The following COL11A1 variants were observed in gnomAD, a reference collection of about 807,000 sequenced individuals.
The protein encoded by COL11A1 is collagen alpha-1(XI) chain.
Under a neutral mutation model 265.2 loss-of-function variants are expected in COL11A1, and 74 were observed. That is an observed-to-expected ratio of 0.28 (90% CI 0.23 to 0.34). The LOEUF (loss-of-function observed/expected upper bound fraction) is 0.34, where lower values mean the gene tolerates loss of function less well. COL11A1 is among the 10% of genes least tolerant of loss of function. COL11A1 has a pLI of 1.00. For synonymous variants in COL11A1, 816 were observed against 727.6 expected (o/e 1.12, Z -1.96); for missense variants, 2,165 against 2,263.6 (o/e 0.96, Z 0.88).
intron 4 of COL11A1, among the ~76,000 whole-genome samples, chr1:103,059,823 G>T (rs1391824660): frequency 6.6e-6 from 1 of 151,820 alleles, no homozygotes. Flanking sequence ...AAAACTAAAA[G>T]CAAAGAGAAA....
chr1:102,974,712 G>T, intron 36 of COL11A1, 118 bp downstream of exon 36: 1 of 763,690 alleles, frequency 1.3e-6, no homozygotes, highest in Non-Finnish European at 2.2e-6. Flanking sequence ...GACATCAATT[G>T]TAATTTTACA....
In COL11A1 at chr1:103,093,404, G is replaced by GT. The variant is rs1267610526; in HGVS notation, c.107-10433dup. Among the ~76,000 whole-genome samples, 5 of 151,960 alleles carry GT rather than the reference G, an allele frequency of 3.3e-5. No homozygotes were observed. The South Asian group carries it at 1.0e-3, about 31-fold the overall frequency. On this transcript the variant is annotated intron_variant, in intron 1 of 66. Coordinates refer to ENST00000370096, the MANE Select transcript of COL11A1 (RefSeq NM_001854.4). ...GGAGAAAGAATAGCTGCCTGAACAG[G>GT]TTTTTTCATGCATATGAAACAGCCC... is the stretch of plus-strand genomic sequence containing the variant.
chr1:102,929,653 A>T (rs1028963042), intron 46 of COL11A1, among the ~76,000 whole-genome samples: 1 of 151,990 alleles, frequency 6.6e-6, no homozygotes, highest in African/African-American at 2.4e-5. Context: ...CTTGATGGGG[A>T]TGGCATTGAA....
intron 50 of COL11A1, among the ~76,000 whole-genome samples, chr1:102,915,298 C>T (rs1184377479): frequency 6.6e-6 from 1 of 151,352 alleles, no homozygotes; most frequent in African/African-American, 2.4e-5. Context: ...AATATAGTCA[C>T]AATACAATTG....
At chr1:102,881,111 C>T (rs1650187195) in intron 65 of COL11A1, among the ~76,000 whole-genome samples, 2 of 151,972 alleles carry the variant, frequency 1.3e-5, no homozygotes, top group South Asian at 4.1e-4. Flanking sequence ...CTGGAAAACA[C>T]TTTAAATTCA....
chr1:103,074,843 C>A, intron 3 of COL11A1, 63 bp from the exon 4 acceptor site: 2 of 1,554,914 alleles, frequency 1.3e-6, no homozygotes, highest in Admixed American at 3.4e-5. Context: ...AAGCAGTATT[C>A]ACATAAAAAT....
chr1:102,957,166 G>A (rs1660457960), intron 41 of COL11A1, among the ~76,000 whole-genome samples: 1 of 151,718 alleles, frequency 6.6e-6, no homozygotes, highest in Non-Finnish European at 1.5e-5. Context: ...TCATAATAAC[G>A]ACCTATGTTT....
chr1:102,907,513 G>A (rs2100988452), intron 54 of COL11A1, among the ~76,000 whole-genome samples: 1 of 151,958 alleles, frequency 6.6e-6, no homozygotes, highest in Admixed American at 6.6e-5. Flanking sequence ...TTTTTCCACA[G>A]AAGTAACTAC....
intron 54 of COL11A1, among the ~76,000 whole-genome samples, chr1:102,900,520 C>G (rs1442525978): frequency 4.6e-5 from 7 of 151,852 alleles, no homozygotes; most frequent in African/African-American, 9.7e-5. Context: ...ACAGTTTTTC[C>G]TTAAACTAGT....
chr1:103,040,032 A>C (rs926579100), intron 4 of COL11A1, among the ~76,000 whole-genome samples: 1 of 152,110 alleles, frequency 6.6e-6, no homozygotes, highest in African/African-American at 2.4e-5. Context: ...GCATCATTCC[A>C]ACTACAAATA....
Position 102,898,995 on chromosome 1 carries a change from C to A in COL11A1, c.4087-1G>T, listed in dbSNP as rs2100925790. On this transcript the variant is annotated splice_acceptor_variant, in intron 54 of 66. Transcript: ENST00000370096. LOFTEE classifies it high-confidence loss of function. ...CTGCACCTGCAGCTCCAGGAGGACC[C>A]TATAGACATAAGATTTATTGTAAAA... 1 of 1,529,160 alleles carries A rather than the reference C, an allele frequency of 6.5e-7. No homozygotes were observed. The highest frequency in any genetic ancestry group is 2.3e-5 in the East Asian group (1 of 42,690). 94.7% of individuals were successfully genotyped at this position (1,529,160 alleles called of 1,614,324 possible).
chr1:103,071,966 G>T (rs1330231130), intron 4 of COL11A1, among the ~76,000 whole-genome samples: 2 of 150,860 alleles, frequency 1.3e-5, no homozygotes, highest in Non-Finnish European at 3.0e-5. Context: ...GGAAGATTCT[G>T]TTATATTTCC....
chr1:103,067,094 T>C (rs1192132776), intron 4 of COL11A1, among the ~76,000 whole-genome samples: 1 of 151,840 alleles, frequency 6.6e-6, no homozygotes, highest in Non-Finnish European at 1.5e-5. Flanking sequence ...TTAACACTCC[T>C]CAACAACTGA....
rs182153904 is a variant in COL11A1 at position 102,898,800 on chromosome 1, C to T, written c.4141-27G>A. 234 of 1,586,588 alleles carry T rather than the reference C, an allele frequency of 1.5e-4. 1 individual carries two copies. The African/African-American group carries it at 2.8e-3, about 19-fold the overall frequency. On this transcript the variant is annotated intron_variant, in intron 55 of 66. Transcript: ENST00000370096. ...TGTTAGAAAGTAAAATATGGGAGCA[C>T]ATTAGTGATGAGAAAATACTTTTAT...
chr1:103,005,944 T>A (rs1665566633), intron 17 of COL11A1, 53 bp from the exon 18 acceptor site: 2 of 1,612,558 alleles, frequency 1.2e-6, no homozygotes, highest in Non-Finnish European at 1.7e-6. Flanking sequence ...AATTCCAGTC[T>A]AGATATGTAC....
intron 9 of COL11A1, 59 bp from the exon 10 acceptor site, chr1:103,018,918 A>G: frequency 7.7e-7 from 1 of 1,301,940 alleles, no homozygotes; most frequent in Non-Finnish European, 1.1e-6. Context: ...CCTCTTAATT[A>G]CATGAATATA....
chr1:102,964,163 A>G (rs571239547), intron 38 of COL11A1, among the ~76,000 whole-genome samples: 23 of 152,346 alleles, frequency 1.5e-4, no homozygotes, highest in South Asian at 4.1e-4. Flanking sequence ...TGTATTTTTG[A>G]AAGATGTGAG....
chr1:103,006,358 G>A, intron 15 of COL11A1, 43 bp from the exon 16 acceptor site: 1 of 1,517,544 alleles, frequency 6.6e-7, no homozygotes, highest in Non-Finnish European at 9.1e-7. Context: ...TAGAATTCTT[G>A]ATCAATAAAC....
At chr1:102,932,381 G>A (rs928870329) in intron 46 of COL11A1, among the ~76,000 whole-genome samples, 3 of 152,080 alleles carry the variant, frequency 2.0e-5, no homozygotes, top group Non-Finnish European at 4.4e-5. Flanking sequence ...TGAAGTTCTG[G>A]GTTGAAAATT....
Sources: allele counts gnomAD v4.1 joint callset (sites outside exome capture counted in the v4.1 genomes callset), GRCh38; gene constraint gnomAD v4.1.1; transcripts MANE v1.5; gene names NCBI Gene and HGNC (gene_info 2026-07-23, HGNC 2026-07-21).